Variants in MAP7 observed in about 807,000 individuals in gnomAD.
The protein encoded by MAP7 is microtubule associated protein 7.
Under a neutral mutation model 94.8 loss-of-function variants are expected in MAP7, and 52 were observed. The observed-to-expected ratio is 0.55, with a 90% CI of 0.44 to 0.69. The LOEUF (loss-of-function observed/expected upper bound fraction) is 0.69, where lower values mean the gene tolerates loss of function less well. Among genes scored for constraint, MAP7 ranks in the 30% least tolerant of loss-of-function variants. MAP7 has a pLI of 0.00. For synonymous variants in MAP7, 350 were observed against 357.0 expected (o/e 0.98, Z 0.22); for missense variants, 940 against 964.6 (o/e 0.97, Z 0.34).
intron 1 of MAP7, among the ~76,000 whole-genome samples, chr6:136,501,101 A>T (rs1468133798): frequency 6.6e-6 from 1 of 152,226 alleles, no homozygotes; most frequent in Non-Finnish European, 1.5e-5. Context: ...ATAAAGAATA[A>T]TATTATTTCC....
chr6:136,534,948 G>C (rs866521449), intron 1 of MAP7, among the ~76,000 whole-genome samples: 1 of 152,182 alleles, frequency 6.6e-6, no homozygotes, highest in Non-Finnish European at 1.5e-5. Context: ...CATGGGGATG[G>C]AGAGAGGGTT....
chr6:136,530,044 T>C (rs9494537), intron 1 of MAP7, among the ~76,000 whole-genome samples: 10,664 of 152,232 alleles, frequency 0.07, 854 homozygotes, highest in African/African-American at 0.2. Flanking sequence ...CTGTTCACAT[T>C]TATGCTTCCT....
At chr6:136,421,662 T>TA (rs1248442677) in intron 2 of MAP7, 39 bp downstream of exon 2, 1 of 1,541,708 alleles carries the variant, frequency 6.5e-7, no homozygotes, top group Non-Finnish European at 9.0e-7. Context: ...GCATAAAAGA[T>TA]AACCTTTATT....
chr6:136,475,697 G>A (rs1336093066), intron 1 of MAP7, among the ~76,000 whole-genome samples: 2 of 152,134 alleles, frequency 1.3e-5, no homozygotes, highest in African/African-American at 4.8e-5. Context: ...AAAGGTGTAT[G>A]AGAAGGTTGG....
chr6:136,388,437 G>C lies in MAP7; in HGVS notation c.482C>G (p.Ser161Trp). 1 of 1,614,116 alleles carries C rather than the reference G, an allele frequency of 6.2e-7. No individual in the cohort carries two copies. Among genetic ancestry groups the C allele is most frequent in the Non-Finnish European group, 8.5e-7 (1 of 1,179,996 alleles). Residue 161 changes from serine to tryptophan, a missense_variant, in exon 5 of 18, where the codon TCG becomes TGG. Coordinates refer to ENST00000354570, the MANE Select transcript of MAP7 (RefSeq NM_003980.6). ...QKPKQKHNRW[S>W]WGGSLHGSPS... ...GCTCCCATGGAGAGAGCCTCCCCAC[G>C]ACCAACGGTTATGCTTCTGTTTTGG... is the stretch of plus-strand genomic sequence containing the variant.
At chr6:136,353,846 C>G (rs1181134331) in intron 16 of MAP7, among the ~76,000 whole-genome samples, 1 of 152,212 alleles carries the variant, frequency 6.6e-6, no homozygotes, top group African/African-American at 2.4e-5. Flanking sequence ...AGCCACCATG[C>G]CCGGCTGGTA....
At chr6:136,449,254 C>T (rs558634868) in intron 1 of MAP7, among the ~76,000 whole-genome samples, 43 of 152,280 alleles carry the variant, frequency 2.8e-4, no homozygotes, top group African/African-American at 1.0e-3. Context: ...GAGATCGCAC[C>T]ACTACACTCC....
At chr6:136,531,803 C>T (rs1279528570) in intron 1 of MAP7, among the ~76,000 whole-genome samples, 1 of 152,080 alleles carries the variant, frequency 6.6e-6, no homozygotes, top group African/African-American at 2.4e-5. Context: ...GAATACCAAG[C>T]TCCTGCAATA....
intron 16 of MAP7, among the ~76,000 whole-genome samples, chr6:136,353,488 T>C (rs1789823129): frequency 6.6e-6 from 1 of 152,210 alleles, no homozygotes; most frequent in Non-Finnish European, 1.5e-5. Context: ...GTACCATATG[T>C]ATATTACCCA....
intron 1 of MAP7, among the ~76,000 whole-genome samples, chr6:136,486,188 T>C (rs1361887732): frequency 2.6e-5 from 4 of 152,174 alleles, no homozygotes; most frequent in Non-Finnish European, 5.9e-5. Flanking sequence ...CTAGGAGCTA[T>C]ATATTTAAAT....
At chr6:136,384,096 A>C (rs776909220) in intron 5 of MAP7, among the ~76,000 whole-genome samples, 1 of 152,210 alleles carries the variant, frequency 6.6e-6, no homozygotes, top group Non-Finnish European at 1.5e-5. Context: ...ACTATGAAGC[A>C]AAAGAGGACC....
At position 136,462,948 on chromosome 6, in the gene MAP7, CT is replaced by C. The variant is rs2128917949; in HGVS notation, c.68-41150del. On this transcript the variant is annotated intron_variant, in intron 1 of 17. Transcript: ENST00000354570. Reference sequence around the variant, plus strand: ...CCAGCCTGGGCGACAGAGTGAGATCCTATCTCAAAAAAAAAAAAAAAAGAAA... The same window carrying C: ...CCAGCCTGGGCGACAGAGTGAGATCCATCTCAAAAAAAAAAAAAAAAGAAA... 2.7e-5 allele frequency among the ~76,000 whole-genome samples: 3 copies of C among 112,870 alleles called. 1 individual carries two copies. In the South Asian group the frequency reaches 1.1e-3, roughly 43 times the overall value. 74.0% of individuals were successfully genotyped at this position (112,870 alleles called of 152,430 possible). A position where few individuals can be genotyped will look rare whatever the true frequency, so the allele number is the denominator to read the frequency against.
chr6:136,408,684 G>A (rs1786389988), intron 3 of MAP7, among the ~76,000 whole-genome samples: 1 of 152,024 alleles, frequency 6.6e-6, no homozygotes, highest in Non-Finnish European at 1.5e-5. Context: ...AAGTTGGTAA[G>A]AGTTGACATT....
intron 8 of MAP7, among the ~76,000 whole-genome samples, chr6:136,367,724 T>C (rs1454382981): frequency 6.6e-6 from 1 of 152,154 alleles, no homozygotes; most frequent in Non-Finnish European, 1.5e-5. Flanking sequence ...CCATTTTAGG[T>C]CCCCAAAAGT....
At chr6:136,529,598 G>A (rs138494392) in intron 1 of MAP7, among the ~76,000 whole-genome samples, 82 of 152,326 alleles carry the variant, frequency 5.4e-4, no homozygotes, top group African/African-American at 1.8e-3. Flanking sequence ...AGTGATAAAT[G>A]TTGTATTAAT....
chr6:136,464,583 C>T (rs1699906888), intron 1 of MAP7, among the ~76,000 whole-genome samples: 1 of 152,210 alleles, frequency 6.6e-6, no homozygotes, highest in African/African-American at 2.4e-5. Flanking sequence ...TTCTGGCATG[C>T]ACTGGGGATC....
At chr6:136,546,727 C>T (rs193146505) in intron 1 of MAP7, among the ~76,000 whole-genome samples, 63 of 152,298 alleles carry the variant, frequency 4.1e-4, no homozygotes, top group African/African-American at 1.4e-3. Flanking sequence ...AGAAGGTACA[C>T]ATTTCTTATT....
chr6:136,492,776 G>T (rs985343163), intron 1 of MAP7, among the ~76,000 whole-genome samples: 2 of 151,916 alleles, frequency 1.3e-5, no homozygotes, highest in Admixed American at 6.6e-5. Context: ...AATGGCGAAT[G>T]ATATATTCAT....
At position 136,365,683 on chromosome 6, in the gene MAP7, A is replaced by G. The variant is rs1197120475; in HGVS notation, c.1273+52T>C. The G allele has an allele frequency of 4.5e-6, 7 of 1,561,090 alleles. No individual in the cohort carries two copies. The East Asian group carries it at 1.6e-4, about 35-fold the overall frequency. ...AAAACAAAAAAAGCTTCATCAAAAC[A>G]GTGCGGGAGAAAAAGAGAGAGCACC... On this transcript the variant is annotated intron_variant, in intron 10 of 17. Coordinates refer to ENST00000354570, the MANE Select transcript of MAP7 (RefSeq NM_003980.6).
Sources: gnomAD v4.1 joint callset for allele counts (sites outside exome capture counted in the v4.1 genomes callset) on GRCh38, gnomAD v4.1.1 for gene constraint, MANE v1.5 for transcripts, NCBI Gene and HGNC (gene_info 2026-07-23, HGNC 2026-07-21) for gene names.